The following KIF2A variants were observed in gnomAD, a reference collection of about 807,000 sequenced individuals.
The protein encoded by KIF2A is kinesin-like protein KIF2A.
KIF2A carries 22 observed loss-of-function variants against 100.2 expected under a neutral mutation model. That is an observed-to-expected ratio of 0.22 (90% CI 0.16 to 0.31). The LOEUF is 0.31. Among genes scored for constraint, KIF2A ranks in the 10% least tolerant of loss-of-function variants. The pLI is 1.00. For missense variants in KIF2A, 495 were observed against 898.7 expected (o/e 0.55, Z 5.74); for synonymous variants, 268 against 285.9 (o/e 0.94, Z 0.63).
intron 1 of KIF2A, among the ~76,000 whole-genome samples, chr5:62,346,040 C>T (rs1392473449): frequency 6.6e-6 from 1 of 151,884 alleles, no homozygotes; most frequent in Non-Finnish European, 1.5e-5. Context: ...GTATTCATTG[C>T]AGTGTTTATA....
At chr5:62,372,386 G>A (rs1213442305) in intron 16 of KIF2A, 52 bp from the exon 17 acceptor site, 2 of 912,138 alleles carry the variant, frequency 2.2e-6, no homozygotes, top group Admixed American at 2.1e-5. Context: ...AATGTGCATT[G>A]CTGTCTTTCA....
chr5:62,370,057 T>G (rs997126474), intron 16 of KIF2A, among the ~76,000 whole-genome samples: 2 of 152,230 alleles, frequency 1.3e-5, no homozygotes, highest in Non-Finnish European at 2.9e-5. Flanking sequence ...TTTAGCACAG[T>G]ACCTGGGATA....
chr5:62,370,899 T>TAATAGGGTG (rs1340218282), intron 16 of KIF2A, among the ~76,000 whole-genome samples: 1 of 152,122 alleles, frequency 6.6e-6, no homozygotes, highest in East Asian at 1.9e-4. Context: ...TGGATGAAGC[T>TAATAGGGTG]AATAGGGTGT....
Position 62,363,205 on chromosome 5 carries a change from AAATT to A in KIF2A, c.1150_1153del (p.Leu384GlufsTer3). The A allele has an allele frequency of 6.2e-7, 1 of 1,610,776 alleles. No homozygotes were observed. The highest frequency in any genetic ancestry group is 8.5e-7 in the Non-Finnish European group (1 of 1,178,458). On this transcript the variant is annotated frameshift_variant, in exon 13 of 21. Transcript: ENST00000407818. LOFTEE classifies it high-confidence loss of function. ...GTTTGACTTGCTAAACAGGAAAACA[AAATT>A]AAGAGTTCTAGAAGATGGAAAACAG... is the stretch of plus-strand genomic sequence containing the variant.
chr5:62,321,209 A>G (rs964013039), intron 1 of KIF2A, among the ~76,000 whole-genome samples: 48 of 152,316 alleles, frequency 3.2e-4, no homozygotes, highest in African/African-American at 1.2e-3. Context: ...CATTATGAAT[A>G]CCATTCATAT....
chr5:62,375,694 C>G (rs571998503), intron 18 of KIF2A, among the ~76,000 whole-genome samples: 4 of 152,188 alleles, frequency 2.6e-5, no homozygotes, highest in African/African-American at 9.7e-5. Flanking sequence ...ATCACTGTTA[C>G]TAAAGCAGGG....
rs1330448601 is a variant in KIF2A, at chr5:62,388,020, T to TTA, written c.*2452_*2453dup. The stretch of plus-strand genomic sequence containing the variant: ...GCTACTATAACTCTATTATAGTATA[T>TTA]TAACAGCACTTAGTATTATATTGAC... On this transcript the variant is annotated 3_prime_UTR_variant, in exon 21 of 21. Transcript: ENST00000407818. 1 of 152,152 alleles carries TTA rather than the reference T, an allele frequency of 6.6e-6. No individual in the cohort carries two copies. The highest frequency in any genetic ancestry group is 1.5e-5 in the Non-Finnish European group (1 of 68,002). The allele number at this position is 152,152 out of a possible 1,614,324, so 9.4% of individuals were successfully genotyped here.
At chr5:62,313,393 C>T (rs1745648599) in intron 1 of KIF2A, among the ~76,000 whole-genome samples, 1 of 152,162 alleles carries the variant, frequency 6.6e-6, no homozygotes, top group South Asian at 2.1e-4. Flanking sequence ...GCTCTTGTTG[C>T]TCAGGCTGGA....
Position 62,306,418 on chromosome 5 carries a change from T to G in KIF2A, c.-55T>G. 1 of 1,071,796 alleles carries G rather than the reference T, an allele frequency of 9.3e-7. No homozygotes were observed. Among genetic ancestry groups the G allele is most frequent in the Non-Finnish European group, 1.4e-6 (1 of 740,102 alleles). The allele number at this position is 1,071,796 out of a possible 1,614,324, so 66.4% of individuals were successfully genotyped here. A position where few individuals can be genotyped will look rare whatever the true frequency, so the allele number is the denominator to read the frequency against. On this transcript the variant is annotated 5_prime_UTR_variant, in exon 1 of 21. Transcript: ENST00000407818. Reference sequence around the variant, plus strand: ...CACCTACCCCGCCCCCTCCCCGCCTTTTCCGCCCTCCGGTCCCCCTCCCTC... The same window carrying G: ...CACCTACCCCGCCCCCTCCCCGCCTGTTCCGCCCTCCGGTCCCCCTCCCTC...
In KIF2A at chr5:62,389,256, C is replaced by T. The variant is rs1452582333; in HGVS notation, c.*3687C>T. Among the ~76,000 whole-genome samples the T allele has an allele frequency of 6.6e-6, 1 of 151,994 alleles. No homozygotes were observed. The highest frequency in any genetic ancestry group is 2.4e-5 in the African/African-American group (1 of 41,366). On this transcript the variant is annotated 3_prime_UTR_variant, in exon 21 of 21. Coordinates refer to ENST00000407818, the MANE Select transcript of KIF2A (RefSeq NM_001098511.3). ...ATCCCAGCACTTTGGGAGGCTGAGG[C>T]GGGTGGATTACCTGAGGTCAGTAGT...
chr5:62,345,447 G>A (rs1747511223), intron 1 of KIF2A, among the ~76,000 whole-genome samples: 1 of 150,836 alleles, frequency 6.6e-6, no homozygotes, highest in Non-Finnish European at 1.5e-5. Context: ...CTACTTGGGA[G>A]GCTGAGGCAT....
At chr5:62,330,925 A>AT (rs1233523959) in intron 1 of KIF2A, among the ~76,000 whole-genome samples, 5 of 152,104 alleles carry the variant, frequency 3.3e-5, no homozygotes, top group Admixed American at 2.0e-4. Context: ...TTTAAATTAT[A>AT]TTTTTTGTAG....
chr5:62,320,527 G>A (rs569900362), intron 1 of KIF2A, among the ~76,000 whole-genome samples: 6 of 150,754 alleles, frequency 4.0e-5, no homozygotes, highest in Non-Finnish European at 5.9e-5. Flanking sequence ...TTTGAAATTT[G>A]CTAGCTTGGA....
intron 1 of KIF2A, among the ~76,000 whole-genome samples, chr5:62,322,967 T>G (rs1356307750): frequency 1.4e-5 from 2 of 146,752 alleles, no homozygotes; most frequent in East Asian, 4.0e-4. Flanking sequence ...TATTAAAACA[T>G]CTGAGAAAGC....
chr5:62,377,620 T>TAC, intron 18 of KIF2A, 41 bp from the exon 19 acceptor site: 4 of 1,098,468 alleles, frequency 3.6e-6, no homozygotes, highest in Non-Finnish European at 5.2e-6. Context: ...ACATTTAAAA[T>TAC]ACACACTATA....
intron 8 of KIF2A, 120 bp from the exon 9 acceptor site, chr5:62,358,017 T>C: frequency 1.3e-6 from 1 of 771,712 alleles, no homozygotes; most frequent in Non-Finnish European, 2.0e-6. Context: ...TATGGGATAT[T>C]ATCTTTATAT....
chr5:62,367,675 C>A (rs1232210870), intron 16 of KIF2A, among the ~76,000 whole-genome samples: 1 of 152,174 alleles, frequency 6.6e-6, no homozygotes, highest in Non-Finnish European at 1.5e-5. Context: ...GAATGCATTA[C>A]AGACTACTAA....
At chr5:62,308,125 G>C (rs1047468030) in intron 1 of KIF2A, among the ~76,000 whole-genome samples, 1 of 152,158 alleles carries the variant, frequency 6.6e-6, no homozygotes, top group Non-Finnish European at 1.5e-5. Flanking sequence ...GAAGTAATTT[G>C]TGGTAACAAC....
At chr5:62,357,164 A>G (rs893229819) in intron 7 of KIF2A, among the ~76,000 whole-genome samples, 4 of 150,714 alleles carry the variant, frequency 2.7e-5, no homozygotes, top group Non-Finnish European at 5.9e-5. Context: ...GCCCGCTGCA[A>G]CCTCCACCTC....
Sources: gnomAD v4.1 joint callset for allele counts (sites outside exome capture counted in the v4.1 genomes callset) on GRCh38, gnomAD v4.1.1 for gene constraint, MANE v1.5 for transcripts, NCBI Gene and HGNC (gene_info 2026-07-23, HGNC 2026-07-21) for gene names.